LTBP1: variants seen among roughly 807,000 people sequenced by gnomAD.
LTBP1 encodes the protein latent-transforming growth factor beta-binding protein 1.
Under a neutral mutation model 207.6 loss-of-function variants are expected in LTBP1, and 129 were observed. The observed-to-expected ratio is 0.62, with a 90% confidence interval of 0.54 to 0.72. The LOEUF is 0.72. Among genes scored for constraint, LTBP1 ranks in the 30% least tolerant of loss-of-function variants. The pLI, the probability that LTBP1 is intolerant of heterozygous loss-of-function variation, is 0.00. For missense variants in LTBP1, 2,281 were observed against 2,217.2 expected, an observed-to-expected ratio of 1.03 and a Z score of -0.58; for synonymous variants, 963 against 833.7, an observed-to-expected ratio of 1.16 and a Z score of -2.67.
chr2:32,954,606 C>T (rs1677758043), intron 2 of LTBP1, among the ~76,000 whole-genome samples: 1 of 148,824 alleles, frequency 6.7e-6, no homozygotes, highest in Non-Finnish European at 1.5e-5. Context: ...AACCTATCTC[C>T]AACAGTGGTC....
At chr2:33,083,922 G>T (rs2078600562) in intron 3 of LTBP1, among the ~76,000 whole-genome samples, 2 of 152,140 alleles carry the variant, frequency 1.3e-5, no homozygotes. Context: ...TTTTGACCTG[G>T]AAGGACATTG....
intron 9 of LTBP1, among the ~76,000 whole-genome samples, chr2:33,236,027 G>A (rs924761570): frequency 2.6e-5 from 4 of 152,098 alleles, no homozygotes; most frequent in East Asian, 3.8e-4. Flanking sequence ...CATTCTGCAC[G>A]TGTATCCAAG....
chr2:33,139,922 G>A (rs1409947912), intron 5 of LTBP1, among the ~76,000 whole-genome samples: 2 of 152,210 alleles, frequency 1.3e-5, no homozygotes, highest in Non-Finnish European at 2.9e-5. Flanking sequence ...TTCAAGCTTA[G>A]GCATTTGGAT....
At chr2:33,205,287 A>T (rs1457565385) in intron 7 of LTBP1, among the ~76,000 whole-genome samples, 2 of 152,236 alleles carry the variant, frequency 1.3e-5, no homozygotes, top group Non-Finnish European at 2.9e-5. Flanking sequence ...AGACAATTTT[A>T]AATTTAAATA....
At chr2:33,328,394 A>G (rs566975622) in intron 24 of LTBP1, among the ~76,000 whole-genome samples, 4 of 152,276 alleles carry the variant, frequency 2.6e-5, no homozygotes, top group African/African-American at 7.2e-5. Flanking sequence ...CTCTGCTAGA[A>G]CACTGCTAGG....
chr2:33,226,654 T>C (rs1425810278), intron 9 of LTBP1, among the ~76,000 whole-genome samples: 1 of 152,206 alleles, frequency 6.6e-6, no homozygotes, highest in Non-Finnish European at 1.5e-5. Flanking sequence ...TCGAATTTTC[T>C]AGAAAATAAG....
intron 5 of LTBP1, among the ~76,000 whole-genome samples, chr2:33,182,864 A>C (rs2086813913): frequency 6.6e-6 from 1 of 151,260 alleles, no homozygotes; most frequent in Non-Finnish European, 1.5e-5. Flanking sequence ...ACCTTAAGAA[A>C]TTTTTGCCAA....
At chr2:33,355,673 C>G (rs2094849512) in intron 26 of LTBP1, among the ~76,000 whole-genome samples, 1 of 152,082 alleles carries the variant, frequency 6.6e-6, no homozygotes, top group Non-Finnish European at 1.5e-5. Flanking sequence ...CTTTTCCACT[C>G]TAGAGTAATA....
At chr2:32,997,940 A>G (rs1685532539) in intron 2 of LTBP1, among the ~76,000 whole-genome samples, 1 of 152,170 alleles carries the variant, frequency 6.6e-6, no homozygotes, top group Non-Finnish European at 1.5e-5. Context: ...GTATTGATTT[A>G]TGAGAAAGTG....
intron 3 of LTBP1, among the ~76,000 whole-genome samples, chr2:33,067,688 A>G (rs2077586769): frequency 6.6e-6 from 1 of 152,196 alleles, no homozygotes; most frequent in South Asian, 2.1e-4. Context: ...GATTATTTAA[A>G]ATATACAAGA....
intron 7 of LTBP1, among the ~76,000 whole-genome samples, chr2:33,194,209 T>A (rs2088270491): frequency 6.6e-6 from 1 of 151,908 alleles, no homozygotes; most frequent in South Asian, 2.1e-4. Flanking sequence ...GTGGTCTCGA[T>A]CTCCTGACCT....
chr2:33,142,823 T>C (rs1036254033), intron 5 of LTBP1, among the ~76,000 whole-genome samples: 3 of 152,208 alleles, frequency 2.0e-5, no homozygotes, highest in African/African-American at 7.2e-5. Flanking sequence ...TGGATGGGGC[T>C]CCTTGAAAGG....
At chr2:33,237,826 G>A (rs1172115399) in intron 9 of LTBP1, among the ~76,000 whole-genome samples, 3 of 152,266 alleles carry the variant, frequency 2.0e-5, no homozygotes, top group Non-Finnish European at 4.4e-5. Context: ...CCTTGACTTG[G>A]TCAAGAGCAA....
intron 7 of LTBP1, among the ~76,000 whole-genome samples, chr2:33,200,132 G>T (rs2089044471): frequency 6.6e-6 from 1 of 152,040 alleles, no homozygotes; most frequent in African/African-American, 2.4e-5. Context: ...CTACTCAAAA[G>T]TTCATATGGA....
intron 10 of LTBP1, among the ~76,000 whole-genome samples, chr2:33,244,167 T>C (rs773031948): frequency 6.6e-6 from 1 of 152,232 alleles, no homozygotes; most frequent in Admixed American, 6.5e-5. Context: ...TAGGTTGAAT[T>C]GAACTGTGTC....
intron 3 of LTBP1, among the ~76,000 whole-genome samples, chr2:33,032,581 A>G (rs1278415798): frequency 6.6e-6 from 1 of 152,218 alleles, no homozygotes; most frequent in Non-Finnish European, 1.5e-5. Context: ...ACACAGATGT[A>G]TAATAACCAA....
At chr2:33,185,420 A>G (rs147142012) in intron 5 of LTBP1, among the ~76,000 whole-genome samples, 2 of 152,352 alleles carry the variant, frequency 1.3e-5, no homozygotes, top group African/African-American at 2.4e-5. Flanking sequence ...ATGGTGACAC[A>G]TAGTTGTAGA....
intron 2 of LTBP1, among the ~76,000 whole-genome samples, chr2:33,006,268 A>G (rs1195549470): frequency 1.3e-5 from 2 of 152,036 alleles, no homozygotes; most frequent in Non-Finnish European, 2.9e-5. Flanking sequence ...GTGATTACAC[A>G]TTATTTGCTT....
chr2:33,050,956 CTTGTGA>C (rs2076706749), intron 3 of LTBP1, among the ~76,000 whole-genome samples: 1 of 152,072 alleles, frequency 6.6e-6, no homozygotes, highest in African/African-American at 2.4e-5. Flanking sequence ...AACTCCTGAC[CTTGTGA>C]TCCACCCACC....
Sources: gnomAD v4.1 joint callset for allele counts (sites outside exome capture counted in the v4.1 genomes callset) on GRCh38, gnomAD v4.1.1 for gene constraint, MANE v1.5 for transcripts, NCBI Gene and HGNC (gene_info 2026-07-23, HGNC 2026-07-21) for gene names.